LINGO2: variants seen among roughly 807,000 people sequenced by gnomAD.
LINGO2 encodes the protein leucine-rich repeat and immunoglobulin-like domain-containing nogo receptor-interacting protein 2.
A neutral mutation model predicts 30.6 loss-of-function variants in LINGO2; 14 were observed. That is an observed-to-expected ratio of 0.46 (90% CI 0.30 to 0.72). LINGO2 has a LOEUF of 0.72. LINGO2 is among the 30% of genes least tolerant of loss of function. The probability of loss-of-function intolerance (pLI) is 0.07; values close to 1 mark genes in which losing one functional copy is unlikely to be tolerated. For missense variants in LINGO2, 729 were observed against 751.7 expected (o/e 0.97, Z 0.35); for synonymous variants, 317 against 288.5 (o/e 1.10, Z -1.00).
In LINGO2 at chr9:28,559,792, G is replaced by A. The variant is rs188066159; in HGVS notation, c.-364-83767C>T. ...TTGCCAGTATTTAAGTTGTTTGGGG[G>A]AAATATTTATATCTCCAGGATGTTT... On this transcript the variant is annotated intron_variant, in intron 1 of 5. Coordinates refer to ENST00000379992, the Ensembl canonical transcript of LINGO2. Among the ~76,000 whole-genome samples, 888 of 152,070 alleles carry A rather than the reference G, an allele frequency of 5.8e-3. 3 individuals carry two copies. Among genetic ancestry groups the A allele is most frequent in the Admixed American group, 0.012 (188 of 15,270 alleles).
intron 1 of LINGO2, among the ~76,000 whole-genome samples, chr9:28,545,140 C>A (rs1011657134): frequency 1.3e-5 from 2 of 151,954 alleles, no homozygotes; most frequent in Non-Finnish European, 2.9e-5. Flanking sequence ...TAACTTACAC[C>A]CAAACTCACT....
At chr9:28,886,499 G>T in the LINGO2 span, among the ~76,000 whole-genome samples, 1 of 152,068 alleles carries the variant, frequency 6.6e-6, no homozygotes, top group Non-Finnish European at 1.5e-5. Context: ...AATGACAAAT[G>T]AAACTTTAAT....
chr9:29,201,244 T>G, the LINGO2 span, among the ~76,000 whole-genome samples: 1 of 152,106 alleles, frequency 6.6e-6, no homozygotes, highest in Non-Finnish European at 1.5e-5. Flanking sequence ...TCTTCCCAAT[T>G]CATTCATTCA....
At chr9:28,372,916 A>G (rs1820960425) in intron 2 of LINGO2, 48 bp from the exon 5 acceptor site, 1 of 152,610 alleles carries the variant, frequency 6.6e-6, no homozygotes, top group Admixed American at 6.5e-5. Flanking sequence ...ATAAAAGCCA[A>G]TTAAAGTAAC....
At chr9:28,011,304 GGTT>G (rs1822541269) in intron 5 of LINGO2, among the ~76,000 whole-genome samples, 1 of 152,148 alleles carries the variant, frequency 6.6e-6, no homozygotes, top group Non-Finnish European at 1.5e-5. Flanking sequence ...TTCCTTCACA[GGTT>G]GTTTTAGGAG....
chr9:28,769,984 T>G, the LINGO2 span, among the ~76,000 whole-genome samples: 35 of 152,228 alleles, frequency 2.3e-4, 1 homozygote, highest in South Asian at 6.2e-3. Context: ...TGTTTTAAGG[T>G]AGTTTCAAAC....
chr9:28,860,089 C>T, the LINGO2 span, among the ~76,000 whole-genome samples: 9 of 152,036 alleles, frequency 5.9e-5, no homozygotes, highest in African/African-American at 9.7e-5. Context: ...TTAAATTTCA[C>T]ATTCCCATAG....
chr9:27,970,103 C>T (rs1003791563), intron 5 of LINGO2, among the ~76,000 whole-genome samples: 1 of 152,162 alleles, frequency 6.6e-6, no homozygotes, highest in African/African-American at 2.4e-5. Flanking sequence ...TTTGTATCTG[C>T]TCTGTAATCT....
the LINGO2 span, among the ~76,000 whole-genome samples, chr9:28,989,867 G>T: frequency 1.3e-5 from 2 of 152,176 alleles, no homozygotes; most frequent in African/African-American, 4.8e-5. Flanking sequence ...GCATGGAGAT[G>T]ACCACGACGA....
intron 4 of LINGO2, among the ~76,000 whole-genome samples, chr9:28,274,374 T>C (rs1361537954): frequency 6.6e-6 from 1 of 152,204 alleles, no homozygotes; most frequent in Non-Finnish European, 1.5e-5. Flanking sequence ...AATGCATGGC[T>C]AATGTTTGGG....
chr9:28,792,383 G>T, the LINGO2 span, among the ~76,000 whole-genome samples: 1 of 151,984 alleles, frequency 6.6e-6, no homozygotes, highest in Non-Finnish European at 1.5e-5. Context: ...AGGATTTAAA[G>T]ACTGCATTAA....
intron 4 of LINGO2, among the ~76,000 whole-genome samples, chr9:28,206,280 C>A (rs1013871442): frequency 6.6e-6 from 1 of 151,584 alleles, no homozygotes; most frequent in African/African-American, 2.4e-5. Flanking sequence ...AAGAAATTAT[C>A]CTGGAAAGCC....
At chr9:28,585,058 T>A (rs1824460165) in intron 1 of LINGO2, among the ~76,000 whole-genome samples, 1 of 151,946 alleles carries the variant, frequency 6.6e-6, no homozygotes, top group Non-Finnish European at 1.5e-5. Flanking sequence ...CATGGAACTG[T>A]TAAAAAGAGG....
At chr9:28,725,137 T>A in the LINGO2 span, among the ~76,000 whole-genome samples, 1 of 152,052 alleles carries the variant, frequency 6.6e-6, no homozygotes, top group African/African-American at 2.4e-5. Context: ...GCAACTATTT[T>A]ACTTGCTCAA....
chr9:28,485,996 G>C (rs907434453), intron 1 of LINGO2, among the ~76,000 whole-genome samples: 2 of 152,084 alleles, frequency 1.3e-5, no homozygotes, highest in Non-Finnish European at 2.9e-5. Flanking sequence ...TATGGCAGAG[G>C]TTACTTTAAT....
chr9:28,301,838 G>A (rs1051793442), intron 3 of LINGO2, among the ~76,000 whole-genome samples: 1 of 152,042 alleles, frequency 6.6e-6, no homozygotes, highest in Non-Finnish European at 1.5e-5. Context: ...GAAAAGGCAG[G>A]TCACCTACAA....
chr9:28,379,385 A>G (rs1315420893), intron 2 of LINGO2, among the ~76,000 whole-genome samples: 2 of 152,018 alleles, frequency 1.3e-5, no homozygotes, highest in Non-Finnish European at 2.9e-5. Flanking sequence ...TCTCACTAGG[A>G]AAGTAGAGTG....
the LINGO2 span, among the ~76,000 whole-genome samples, chr9:28,990,798 G>C: frequency 6.6e-6 from 1 of 152,126 alleles, no homozygotes; most frequent in African/African-American, 2.4e-5. Context: ...TGAGGTTCCT[G>C]TCTGTTAGAA....
chr9:28,049,288 G>T (rs1333017983), intron 4 of LINGO2, among the ~76,000 whole-genome samples: 1 of 150,660 alleles, frequency 6.6e-6, no homozygotes, highest in Non-Finnish European at 1.5e-5. Context: ...CAGCCCTGTT[G>T]GTCTAGTGGA....
Sources: gnomAD v4.1 joint callset for allele counts (sites outside exome capture counted in the v4.1 genomes callset) on GRCh38, gnomAD v4.1.1 for gene constraint, MANE v1.5 for transcripts, NCBI Gene and HGNC (gene_info 2026-07-23, HGNC 2026-07-21) for gene names.